KCNH8: variants seen among roughly 807,000 people sequenced by gnomAD.
KCNH8 encodes potassium voltage-gated channel subfamily H member 8.
KCNH8 carries 70 observed loss-of-function variants against 103.6 expected under a neutral mutation model. The observed-to-expected ratio is 0.68, with a 90% CI of 0.56 to 0.82. KCNH8 has a LOEUF of 0.82. KCNH8 is among the 40% of genes least tolerant of loss of function. The probability of loss-of-function intolerance (pLI) is 0.00; values close to 1 mark genes in which losing one functional copy is unlikely to be tolerated. For missense variants in KCNH8, 1,217 were observed against 1,329.9 expected, an observed-to-expected ratio of 0.92 and a Z score of 1.32; for synonymous variants, 498 against 489.4, an observed-to-expected ratio of 1.02 and a Z score of -0.23.
chr3:19,371,117 A>T (rs1192740494), intron 5 of KCNH8, among the ~76,000 whole-genome samples: 1 of 151,680 alleles, frequency 6.6e-6, no homozygotes, highest in Non-Finnish European at 1.5e-5. Context: ...TCCTTTGGGT[A>T]TATACCCAGT....
At chr3:19,277,657 C>T (rs986316411) in intron 2 of KCNH8, among the ~76,000 whole-genome samples, 1 of 152,042 alleles carries the variant, frequency 6.6e-6, no homozygotes, top group Non-Finnish European at 1.5e-5. Context: ...CCTTGTTTCC[C>T]AATCAAGAAA....
intron 11 of KCNH8, among the ~76,000 whole-genome samples, chr3:19,500,051 C>A (rs1197903002): frequency 1.3e-5 from 2 of 152,168 alleles, no homozygotes; most frequent in East Asian, 3.9e-4. Context: ...ACCCATCTCA[C>A]AGGCAGAGAC....
At chr3:19,528,276 C>T (rs867219653) in intron 15 of KCNH8, among the ~76,000 whole-genome samples, 8 of 151,992 alleles carry the variant, frequency 5.3e-5, no homozygotes, top group Middle Eastern at 3.2e-3. Context: ...AGTTGATAAA[C>T]AACTCTTAAT....
intron 11 of KCNH8, among the ~76,000 whole-genome samples, chr3:19,509,749 G>T (rs2068752223): frequency 6.6e-6 from 1 of 152,088 alleles, no homozygotes; most frequent in Non-Finnish European, 1.5e-5. Flanking sequence ...TCAATTAGGG[G>T]ATTAGGATTC....
chr3:19,219,192 C>T (rs1391204833), intron 1 of KCNH8, among the ~76,000 whole-genome samples: 1 of 152,090 alleles, frequency 6.6e-6, no homozygotes, highest in Non-Finnish European at 1.5e-5. Flanking sequence ...TACCACTGTC[C>T]TCATGGATTA....
At chr3:19,446,938 G>T (rs962478899) in intron 8 of KCNH8, among the ~76,000 whole-genome samples, 3 of 151,924 alleles carry the variant, frequency 2.0e-5, no homozygotes, top group African/African-American at 7.2e-5. Flanking sequence ...AATTGTTGAG[G>T]TTCCTTCCAA....
chr3:19,410,837 T>C (rs2066765624), intron 7 of KCNH8, among the ~76,000 whole-genome samples: 1 of 149,056 alleles, frequency 6.7e-6, no homozygotes. Context: ...CGCACCAATA[T>C]TGAGTTCCAA....
intron 5 of KCNH8, among the ~76,000 whole-genome samples, chr3:19,385,581 A>C (rs940022309): frequency 1.3e-5 from 2 of 152,148 alleles, no homozygotes; most frequent in Non-Finnish European, 2.9e-5. Context: ...CACTTCAGGT[A>C]AGCAAGAGGG....
At chr3:19,432,426 A>G (rs2067137124) in intron 7 of KCNH8, among the ~76,000 whole-genome samples, 1 of 152,164 alleles carries the variant, frequency 6.6e-6, no homozygotes. Context: ...AAACTTTGAG[A>G]AAAAAGAGAG....
At chr3:19,239,963 T>C (rs2125244060) in intron 1 of KCNH8, among the ~76,000 whole-genome samples, 1 of 152,246 alleles carries the variant, frequency 6.6e-6, no homozygotes, top group Non-Finnish European at 1.5e-5. Flanking sequence ...ATATTCAGTA[T>C]CACAACCAAT....
At chr3:19,380,567 T>C (rs2066274760) in intron 5 of KCNH8, among the ~76,000 whole-genome samples, 1 of 152,238 alleles carries the variant, frequency 6.6e-6, no homozygotes, top group African/African-American at 2.4e-5. Context: ...AATTCTTGGC[T>C]CTTAAATACC....
At chr3:19,521,538 C>G (rs1253526160) in intron 15 of KCNH8, among the ~76,000 whole-genome samples, 1 of 151,924 alleles carries the variant, frequency 6.6e-6, no homozygotes, top group Admixed American at 6.6e-5. Flanking sequence ...TATAAGCACC[C>G]TCCTTCTACC....
At chr3:19,508,232 T>C (rs762710952) in intron 11 of KCNH8, among the ~76,000 whole-genome samples, 2 of 152,180 alleles carry the variant, frequency 1.3e-5, no homozygotes, top group Non-Finnish European at 2.9e-5. Flanking sequence ...TGCCAGATTT[T>C]GGTACTAGGC....
At chr3:19,226,730 T>C (rs933666867) in intron 1 of KCNH8, among the ~76,000 whole-genome samples, 1 of 152,086 alleles carries the variant, frequency 6.6e-6, no homozygotes, top group East Asian at 1.9e-4. Context: ...CTCAGTTGGG[T>C]GCCATTCACA....
rs540674539 is a variant in KCNH8 at position 19,379,638 on chromosome 3, C to CAAA, written c.812-10835_812-10833dup. On this transcript the variant is annotated intron_variant, in intron 5 of 15. Coordinates refer to ENST00000328405, the MANE Select transcript of KCNH8 (RefSeq NM_144633.3). ...CTGGTGACAGAGCAACACTCTGTCT[C>CAAA]AAAAAAAAAAGAAAAAAGAAAATAA... Among the ~76,000 whole-genome samples, 458 of 141,816 alleles carry CAAA rather than the reference C, an allele frequency of 3.2e-3. 3 individuals carry two copies. Among genetic ancestry groups the CAAA allele is most frequent in the Non-Finnish European group, 3.4e-3 (217 of 64,720 alleles). 93.0% of individuals were successfully genotyped at this position (141,816 alleles called of 152,430 possible).
At chr3:19,235,660 G>A (rs550240033) in intron 1 of KCNH8, among the ~76,000 whole-genome samples, 11 of 152,200 alleles carry the variant, frequency 7.2e-5, no homozygotes, top group Admixed American at 2.0e-4. Flanking sequence ...TCTGTTTTAC[G>A]TGGAAAATTT....
intron 11 of KCNH8, among the ~76,000 whole-genome samples, chr3:19,465,151 A>T (rs1350398369): frequency 6.6e-6 from 1 of 152,232 alleles, no homozygotes; most frequent in African/African-American, 2.4e-5. Context: ...TAGGAATTTC[A>T]TAGCTAGAGA....
intron 1 of KCNH8, among the ~76,000 whole-genome samples, chr3:19,159,249 G>A (rs2063210704): frequency 6.6e-6 from 1 of 151,350 alleles, no homozygotes. Context: ...CTATGTTGCT[G>A]GATTTTCCCT....
At chr3:19,225,242 A>G (rs2063917445) in intron 1 of KCNH8, among the ~76,000 whole-genome samples, 1 of 151,846 alleles carries the variant, frequency 6.6e-6, no homozygotes, top group Non-Finnish European at 1.5e-5. Context: ...CACAAAAATC[A>G]GAACTCTATT....
Sources: gnomAD v4.1 joint callset for allele counts (sites outside exome capture counted in the v4.1 genomes callset) on GRCh38, gnomAD v4.1.1 for gene constraint, MANE v1.5 for transcripts, NCBI Gene and HGNC (gene_info 2026-07-23, HGNC 2026-07-21) for gene names.